The following SKA2 variants were observed in gnomAD, a reference collection of about 807,000 sequenced individuals.
SKA2 encodes the protein spindle and kinetochore-associated protein 2.
In SKA2, 13 loss-of-function variants were observed where a neutral mutation model predicts 16.9. That is an observed-to-expected ratio of 0.77 (90% CI 0.50 to 1.22). SKA2 has a LOEUF of 1.22. SKA2 is among the 50% of genes most tolerant of loss of function. The probability of loss-of-function intolerance (pLI) is 0.00; values close to 1 mark genes in which losing one functional copy is unlikely to be tolerated. For synonymous variants in SKA2, 47 were observed against 48.5 expected, an observed-to-expected ratio of 0.97 and a Z score of 0.13; for missense variants, 107 against 139.7, an observed-to-expected ratio of 0.77 and a Z score of 1.18.
intron 1 of SKA2, among the ~76,000 whole-genome samples, chr17:59,153,260 A>T (rs2046590910): frequency 6.6e-6 from 1 of 152,218 alleles, no homozygotes; most frequent in South Asian, 2.1e-4. Context: ...AGAATGGGAG[A>T]AGGGCAAGAT....
At chr17:59,114,195 T>G (rs1178803337) in intron 3 of SKA2, among the ~76,000 whole-genome samples, 1 of 152,194 alleles carries the variant, frequency 6.6e-6, no homozygotes, top group African/African-American at 2.4e-5. Context: ...GTCCATTCCC[T>G]ATGCCAATCA....
chr17:59,146,823 C>A (rs1381568650), intron 1 of SKA2, among the ~76,000 whole-genome samples: 1 of 152,066 alleles, frequency 6.6e-6, no homozygotes, highest in Non-Finnish European at 1.5e-5. Context: ...TGTCACCACA[C>A]CGAGCTAATG....
chr17:59,118,112 A>G (rs1325935120), intron 3 of SKA2: 1 of 152,162 alleles, frequency 6.6e-6, no homozygotes, highest in African/African-American at 2.4e-5. Context: ...TAAAACCACA[A>G]AAAATTAGCT....
intron 1 of SKA2, among the ~76,000 whole-genome samples, chr17:59,152,750 T>A (rs189032008): frequency 6.6e-6 from 1 of 151,968 alleles, no homozygotes. Flanking sequence ...GAAGATGAGA[T>A]GCACTGTCTT....
chr17:59,153,783 T>C (rs2046595381), intron 1 of SKA2, among the ~76,000 whole-genome samples: 1 of 144,576 alleles, frequency 6.9e-6, no homozygotes, highest in Non-Finnish European at 1.5e-5. Context: ...AAACTTAATC[T>C]TTTTTTTTTT....
Position 59,153,782 on chromosome 17 carries a change from CT to C in SKA2, c.33+1348del, listed in dbSNP as rs529461967. Among the ~76,000 whole-genome samples the C allele has an allele frequency of 4.5e-3, 665 of 146,594 alleles. 9 individuals are homozygous for C. Among genetic ancestry groups the C allele is most frequent in the African/African-American group, 0.013 (533 of 40,310 alleles). Reference sequence around the variant, plus strand: ...GTCTTTTACTTTTTTAAAACTTAATCTTTTTTTTTTTTGAGACGTTGTCTCT... The same window carrying C: ...GTCTTTTACTTTTTTAAAACTTAATCTTTTTTTTTTTGAGACGTTGTCTCT... On this transcript the variant is annotated intron_variant, in intron 1 of 3. Transcript: ENST00000330137.
chr17:59,147,574 C>T (rs532189599), intron 1 of SKA2, among the ~76,000 whole-genome samples: 1 of 151,570 alleles, frequency 6.6e-6, no homozygotes, highest in Non-Finnish European at 1.5e-5. Context: ...AGCTTACTTT[C>T]TTCTGAAATT....
intron 2 of SKA2, among the ~76,000 whole-genome samples, chr17:59,123,753 T>C (rs1360254233): frequency 6.7e-6 from 1 of 149,840 alleles, no homozygotes; most frequent in Admixed American, 6.6e-5. Flanking sequence ...AGCTAATGTA[T>C]AGCACTTACT....
chr17:59,130,351 C>A (rs1466307060), intron 2 of SKA2, among the ~76,000 whole-genome samples: 1 of 151,118 alleles, frequency 6.6e-6, no homozygotes, highest in African/African-American at 2.4e-5. Context: ...GTGGCTCATG[C>A]CTGTAATCCC....
At chr17:59,139,612 A>G (rs1263530938) in intron 1 of SKA2, among the ~76,000 whole-genome samples, 2 of 152,026 alleles carry the variant, frequency 1.3e-5, no homozygotes, top group African/African-American at 4.8e-5. Context: ...GGCCTCCCAA[A>G]GTGCTAGGAT....
Position 59,117,414 on chromosome 17 carries a change from T to G in SKA2, c.297+1905A>C, listed in dbSNP as rs151253540. 4.8e-3 allele frequency among the ~76,000 whole-genome samples: 726 copies of G among 152,238 alleles called. 25 individuals carry two copies. Among genetic ancestry groups the G allele is most frequent in the Admixed American group, 0.041 (631 of 15,284 alleles). ...TTATTTTAGTTTATTTTAAAATTTT[T>G]GGGGGACAGTCTCACCCTGTCACCC... On this transcript the variant is annotated intron_variant, in intron 3 of 3. Coordinates refer to ENST00000330137, the MANE Select transcript of SKA2 (RefSeq NM_182620.4).
At chr17:59,129,026 C>T (rs973174000) in intron 2 of SKA2, among the ~76,000 whole-genome samples, 15 of 152,120 alleles carry the variant, frequency 9.9e-5, no homozygotes, top group Admixed American at 7.2e-4. Flanking sequence ...GAGCACTACA[C>T]GTCAATGTCT....
At chr17:59,135,363 C>T (rs1483404056) in intron 1 of SKA2, among the ~76,000 whole-genome samples, 1 of 138,398 alleles carries the variant, frequency 7.2e-6, no homozygotes, top group African/African-American at 2.7e-5. Context: ...GTCATCCAGG[C>T]TATAGTATAG....
intron 3 of SKA2, chr17:59,117,788 C>T (rs1232314829): frequency 1.3e-5 from 2 of 152,116 alleles, no homozygotes; most frequent in Admixed American, 6.6e-5. Context: ...CCAATTTGGT[C>T]ATCATTGATT....
chr17:59,112,282 A>T lies in SKA2; in HGVS notation c.361T>A (p.Leu121Ile). The change falls in exon 4 of 4, where the codon TTA becomes ATA. Residue 121 changes from leucine (L) to isoleucine (I), a missense_variant. By Grantham distance (5) the Leu-to-Ile change is conservative. Transcript: ENST00000330137. ...AEQFKFHMPD[L>I] ...TCCTTTCCAAGTCCATTTCTTCATA[A>T]ATCTGGCATGTGAAATTTGAATTGC... The T allele has an allele frequency of 1.2e-6, 2 of 1,609,750 alleles. No individual in the cohort carries two copies. Among genetic ancestry groups the T allele is most frequent in the African/African-American group, 2.7e-5 (2 of 74,848 alleles).
chr17:59,155,095 A>G, intron 1 of SKA2, 36 bp downstream of exon 1: 1 of 1,613,978 alleles, frequency 6.2e-7, no homozygotes. Context: ...GGGGAAAAAT[A>G]AACTACCCAG....
intron 1 of SKA2, among the ~76,000 whole-genome samples, chr17:59,134,923 C>T (rs1308649358): frequency 6.6e-6 from 1 of 152,134 alleles, no homozygotes; most frequent in Non-Finnish European, 1.5e-5. Flanking sequence ...CAGCCCCAAC[C>T]TCCCAGGCTC....
chr17:59,135,409 CG>C (rs35566141), intron 1 of SKA2, among the ~76,000 whole-genome samples: 2 of 150,802 alleles, frequency 1.3e-5, no homozygotes, highest in African/African-American at 4.9e-5. Flanking sequence ...CTCCACCTCC[CG>C]GGTTCAGGCA....
chr17:59,148,808 C>CA (rs758187008), intron 1 of SKA2, among the ~76,000 whole-genome samples: 16,086 of 47,698 alleles, frequency 0.34, 2,348 homozygotes, highest in African/African-American at 0.4. Flanking sequence ...GACCCTGTCT[C>CA]AAAAAAAAAA....
Sources: allele counts gnomAD v4.1 joint callset (sites outside exome capture counted in the v4.1 genomes callset), GRCh38; gene constraint gnomAD v4.1.1; transcripts MANE v1.5; gene names NCBI Gene and HGNC (gene_info 2026-07-23, HGNC 2026-07-21).